THSD1: variants seen among roughly 807,000 people sequenced by gnomAD.
THSD1 encodes thrombospondin type 1 domain containing 1.
A neutral mutation model predicts 46.3 loss-of-function variants in THSD1; 34 were observed. The ratio of observed to expected loss-of-function variants is 0.74; its 90% CI spans 0.56 to 0.98. THSD1 has a LOEUF of 0.98. Among genes scored for constraint, THSD1 ranks in the 50% least tolerant of loss-of-function variants. The pLI is 0.00. For synonymous variants in THSD1, 407 were observed against 416.5 expected, an observed-to-expected ratio of 0.98 and a Z score of 0.28; for missense variants, 1,023 against 1,058.3, an observed-to-expected ratio of 0.97 and a Z score of 0.46.
intron 3 of THSD1, among the ~76,000 whole-genome samples, chr13:52,390,846 T>C (rs568976184): frequency 6.6e-6 from 1 of 152,292 alleles, no homozygotes; most frequent in Admixed American, 6.5e-5. Flanking sequence ...TTATATAATT[T>C]ATTTAAGTGC....
rs1276658152 is a variant in THSD1 at position 52,401,307 on chromosome 13, T to C, written c.58+1236A>G. On this transcript the variant is annotated intron_variant, in intron 2 of 4. Coordinates refer to ENST00000258613, the MANE Select transcript of THSD1 (RefSeq NM_018676.4). ...GGTTTTTAAGAAGGGATAAATTACTTTTTTTTTTTTGAGACAGAGTCTCGC... is the reference window on the plus strand; with the variant it reads ...GGTTTTTAAGAAGGGATAAATTACTCTTTTTTTTTTGAGACAGAGTCTCGC... Among the ~76,000 whole-genome samples the C allele has an allele frequency of 2.1e-5, 3 of 146,094 alleles. No homozygotes were observed. In the East Asian group the frequency reaches 6.0e-4, roughly 29 times the overall value.
At chr13:52,388,256 A>G (rs1231867485) in intron 3 of THSD1, among the ~76,000 whole-genome samples, 1 of 151,994 alleles carries the variant, frequency 6.6e-6, no homozygotes, top group Non-Finnish European at 1.5e-5. Context: ...AAAAACAAAA[A>G]TGGAGATCAT....
At chr13:52,390,177 T>C (rs566548345) in intron 3 of THSD1, among the ~76,000 whole-genome samples, 2 of 152,060 alleles carry the variant, frequency 1.3e-5, no homozygotes, top group South Asian at 2.1e-4. Flanking sequence ...TAATTCTGTC[T>C]ATCAGTACCC....
intron 2 of THSD1, among the ~76,000 whole-genome samples, chr13:52,401,711 A>T (rs1381571080): frequency 1.3e-5 from 2 of 152,266 alleles, no homozygotes; most frequent in African/African-American, 4.8e-5. Context: ...CTACTGAATG[A>T]AATGAACAGC....
In THSD1 at chr13:52,378,428, C is replaced by G. The variant is rs546960908; in HGVS notation, c.1542G>C (p.Glu514Asp). 6.2e-7 allele frequency: 1 copy of G among 1,614,044 alleles called. No homozygotes were observed. The highest frequency in any genetic ancestry group is 8.5e-7 in the Non-Finnish European group (1 of 1,180,046). Reference protein sequence around the residue: ...VPPEDDASGSESFQSNAQKII... With the variant: ...VPPEDDASGSDSFQSNAQKII... ...TCTTCTGGGCGTTGGACTGGAAGCT[C>G]TCGCTGCCAGAGGCATCATCCTCGG... The change falls in exon 5 of 5, where the codon GAG becomes GAC. Residue 514 changes from glutamate (E) to aspartate (D), a missense_variant. Transcript: ENST00000258613.
chr13:52,405,177 G>A (rs1316871482), intron 1 of THSD1, among the ~76,000 whole-genome samples: 1 of 152,172 alleles, frequency 6.6e-6, no homozygotes, highest in East Asian at 1.9e-4. Context: ...AATTCTAAAT[G>A]CATCAGCTGA....
chr13:52,404,787 A>G (rs1422063650), intron 1 of THSD1, among the ~76,000 whole-genome samples: 1 of 152,178 alleles, frequency 6.6e-6, no homozygotes, highest in Non-Finnish European at 1.5e-5. Context: ...TTCCACGACA[A>G]TAACATTTTT....
chr13:52,393,040 T>C (rs1378061764), intron 3 of THSD1, among the ~76,000 whole-genome samples: 1 of 152,088 alleles, frequency 6.6e-6, no homozygotes, highest in Admixed American at 6.6e-5. Flanking sequence ...AATACATGGA[T>C]TGACAGTCAA....
intron 3 of THSD1, among the ~76,000 whole-genome samples, chr13:52,391,767 TC>T (rs1232194045): frequency 1.3e-5 from 2 of 151,934 alleles, no homozygotes; most frequent in Non-Finnish European, 2.9e-5. Flanking sequence ...TGGTCCTCAA[TC>T]TCCTGACCAA....
chr13:52,377,826 GC>G lies in THSD1; in HGVS notation c.2143del (p.Ala715GlnfsTer8). The G allele has an allele frequency of 6.2e-7, 1 of 1,614,192 alleles. No individual in the cohort carries two copies. On this transcript the variant is annotated frameshift_variant, in exon 5 of 5. Transcript: ENST00000258613. LOFTEE classifies it high-confidence loss of function. Reference protein sequence around the residue: ...FPEKLEHFQEASGTRGPLNPL... With the variant: ...FPEKLEHFQEXSGTRGPLNPL... ...GTTTAATGGACCACGGGTTCCACTTGCCTCTTGGAAATGCTCCAGTTTTTCA... is the reference window on the plus strand; with the variant it reads ...GTTTAATGGACCACGGGTTCCACTTGCTCTTGGAAATGCTCCAGTTTTTCA...
chr13:52,392,061 G>A (rs994152776), intron 3 of THSD1, among the ~76,000 whole-genome samples: 29 of 151,436 alleles, frequency 1.9e-4, no homozygotes, highest in East Asian at 2.0e-4. Context: ...GCGTGGTGGC[G>A]GGCGCCTGTA....
rs559719404 is a variant in THSD1, at chr13:52,402,725, T to C, written c.-81-44A>G. 5.2e-5 allele frequency: 76 copies of C among 1,461,074 alleles called. 1 individual carries two copies. In the African/African-American group the frequency reaches 9.8e-4, roughly 19 times the overall value. The allele number at this position is 1,461,074 out of a possible 1,614,324, so 90.5% of individuals were successfully genotyped here. ...AAAATGATGGCTCCGTTCAATGTGA[T>C]TGATAAAATAGTAATCATTAAATGA... On this transcript the variant is annotated intron_variant, in intron 1 of 4. Transcript: ENST00000258613.
intron 4 of THSD1, among the ~76,000 whole-genome samples, chr13:52,383,026 C>A (rs1465537834): frequency 6.6e-6 from 1 of 152,010 alleles, no homozygotes; most frequent in Admixed American, 6.6e-5. Flanking sequence ...ATCACTTCCT[C>A]CAAGACTGGA....
chr13:52,392,524 A>G (rs1056617891), intron 3 of THSD1, among the ~76,000 whole-genome samples: 1 of 152,236 alleles, frequency 6.6e-6, no homozygotes. Flanking sequence ...ACGAATGAAA[A>G]GCTGTTTTGT....
intron 3 of THSD1, among the ~76,000 whole-genome samples, chr13:52,389,237 A>G (rs1594099962): frequency 6.6e-6 from 1 of 152,228 alleles, no homozygotes; most frequent in East Asian, 1.9e-4. Context: ...TGCTGGGATT[A>G]CAGGTGTGAG....
rs1045505329 is a variant in THSD1 at position 52,378,533 on chromosome 13, C to T, written c.1437G>A (p.Ser479=). 1.2e-6 allele frequency: 2 copies of T among 1,614,160 alleles called. No individual in the cohort carries two copies. Among genetic ancestry groups the T allele is most frequent in the South Asian group, 1.1e-5 (1 of 91,082 alleles). ...TCCCCGTGGGCCCGTCTCCCCCATC[C>T]GAGAAGCTCCCGCGCTGCTCGCTCA... The part of the protein sequence containing the change: ...CELSEQRGSF[S]DGGDGPTGSP... Residue 479 remains serine (S), a synonymous_variant, in exon 5 of 5, where the codon TCG becomes TCA. Coordinates refer to ENST00000258613, the MANE Select transcript of THSD1 (RefSeq NM_018676.4).
chr13:52,385,427 A>C (rs1957723526), intron 4 of THSD1, among the ~76,000 whole-genome samples: 1 of 152,106 alleles, frequency 6.6e-6, no homozygotes, highest in Admixed American at 6.6e-5. Flanking sequence ...ATTTAGATCA[A>C]ATACTCACTG....
At chr13:52,388,545 C>T (rs1343121158) in intron 3 of THSD1, among the ~76,000 whole-genome samples, 2 of 152,198 alleles carry the variant, frequency 1.3e-5, no homozygotes, top group African/African-American at 2.4e-5. Flanking sequence ...ATGGTGCGAT[C>T]TCAGCTCACC....
chr13:52,403,092 C>T (rs1957877203), intron 1 of THSD1: 2 of 448,174 alleles, frequency 4.5e-6, no homozygotes, highest in African/African-American at 4.3e-5. Flanking sequence ...TTTAATTTAG[C>T]ATTGTGCTGT....
Sources: gnomAD v4.1 joint callset for allele counts (sites outside exome capture counted in the v4.1 genomes callset) on GRCh38, gnomAD v4.1.1 for gene constraint, MANE v1.5 for transcripts, NCBI Gene and HGNC (gene_info 2026-07-23, HGNC 2026-07-21) for gene names.